IRGM: variants seen among roughly 807,000 people sequenced by gnomAD.
The protein encoded by IRGM is immunity related GTPase M.
For synonymous variants in IRGM, 98 were observed against 80.6 expected (o/e 1.22, Z -1.16); for missense variants, 288 against 219.9 (o/e 1.31, Z -1.96).
At chr5:150,868,749 A>G (rs968926954) in intron 1 of IRGM, among the ~76,000 whole-genome samples, 1 of 152,128 alleles carries the variant, frequency 6.6e-6, no homozygotes, top group African/African-American at 2.4e-5. Context: ...CAGCTATTAT[A>G]AAAGCAGTTA....
At position 150,847,951 on chromosome 5, in the gene IRGM, ACAC is replaced by A; in HGVS notation, c.-166_-164del. On this transcript the variant is annotated 5_prime_UTR_variant, in exon 2 of 2. Transcript: ENST00000522154. ...CTGTATTAGCTGGGACTACAGGCGC[ACAC>A]CACCACGCGCAGCTAATTTTTTTGT... The A allele has an allele frequency of 1.7e-6, 1 of 586,632 alleles. No individual in the cohort carries two copies. The highest frequency in any genetic ancestry group is 3.0e-6 in the Non-Finnish European group (1 of 332,376). 36.3% of individuals were successfully genotyped at this position (586,632 alleles called of 1,614,324 possible). A position where few individuals can be genotyped will look rare whatever the true frequency, so the allele number is the denominator to read the frequency against.
At chr5:150,897,946 T>G in intron 3 of IRGM, 1 of 1,283,958 alleles carries the variant, frequency 7.8e-7, no homozygotes, top group Non-Finnish European at 1.1e-6. Context: ...AATTACTTGT[T>G]GAGTGACTAC....
Position 150,899,858 on chromosome 5 carries a change from A to G in IRGM, c.*141-731A>G, listed in dbSNP as rs562838078. Among the ~76,000 whole-genome samples the G allele has an allele frequency of 2.5e-4, 38 of 152,252 alleles. No homozygotes were observed. The South Asian group carries it at 4.6e-3, about 18-fold the overall frequency. ...CAGACTTTTTCCCCAAATATTCCAT[A>G]ATTACCAAACACCACTTTCAGAATG... On this transcript the variant is annotated intron_variant and NMD_transcript_variant, in intron 3 of 3. Transcript: ENST00000520549.
chr5:150,893,105 G>A (rs1754641699), intron 3 of IRGM, among the ~76,000 whole-genome samples: 1 of 151,968 alleles, frequency 6.6e-6, no homozygotes, highest in South Asian at 2.1e-4. Flanking sequence ...TATAGGTTTA[G>A]GCAGAGTAAA....
At chr5:150,884,680 A>T (rs1477234754) in intron 3 of IRGM, among the ~76,000 whole-genome samples, 1 of 152,144 alleles carries the variant, frequency 6.6e-6, no homozygotes, top group Non-Finnish European at 1.5e-5. Context: ...AGTGATATTT[A>T]GCTTTTTAAA....
intron 1 of IRGM, among the ~76,000 whole-genome samples, chr5:150,868,727 G>T (rs889740681): frequency 1.3e-5 from 2 of 151,722 alleles, no homozygotes; most frequent in African/African-American, 4.8e-5. Context: ...TTTTGTTGTT[G>T]TTTTTGTTTT....
chr5:150,867,055 T>C (rs926595633), intron 1 of IRGM, among the ~76,000 whole-genome samples: 2 of 152,166 alleles, frequency 1.3e-5, no homozygotes, highest in Non-Finnish European at 1.5e-5. Flanking sequence ...GGGGAACAGG[T>C]GGTGTTTGGT....
intron 3 of IRGM, among the ~76,000 whole-genome samples, chr5:150,891,884 A>G (rs1754614898): frequency 6.6e-6 from 1 of 152,178 alleles, no homozygotes; most frequent in African/African-American, 2.4e-5. Context: ...ATCCAGGGCC[A>G]GGATCTTTTA....
intron 1 of IRGM, among the ~76,000 whole-genome samples, chr5:150,865,614 C>A (rs1030514857): frequency 6.6e-6 from 1 of 152,138 alleles, no homozygotes; most frequent in Non-Finnish European, 1.5e-5. Context: ...AACTTACTAG[C>A]AATGAAGAGG....
At position 150,848,148 on chromosome 5, in the gene IRGM, G is replaced by A. The variant is rs757815291; in HGVS notation, c.25G>A (p.Ala9Thr). 9 of 1,548,098 alleles carry A rather than the reference G, an allele frequency of 5.8e-6. No individual in the cohort carries two copies. The South Asian group carries it at 1.1e-4, about 18-fold the overall frequency. The change falls in exon 2 of 2, where the codon GCC becomes ACC. Residue 9 changes from alanine (A) to threonine (T), a missense_variant. Ala to Thr is a moderately conservative substitution (Grantham distance 58). Coordinates refer to ENST00000522154, the MANE Select transcript of IRGM (RefSeq NM_001145805.2). ...GATGGAAGCCATGAATGTTGAGAAA[G>A]CCTCAGCAGATGGGAACTTGCCAGA... Reference protein sequence around the residue: MEAMNVEKASADGNLPEVI... With the variant: MEAMNVEKTSADGNLPEVI...
chr5:150,857,288 T>A (rs1184327777), intron 1 of IRGM, among the ~76,000 whole-genome samples: 4 of 152,188 alleles, frequency 2.6e-5, no homozygotes, highest in Non-Finnish European at 5.9e-5. Context: ...TGCATAGTAT[T>A]CCATGTTGTA....
intron 3 of IRGM, among the ~76,000 whole-genome samples, chr5:150,884,724 G>A (rs1754491364): frequency 6.6e-6 from 1 of 151,996 alleles, no homozygotes; most frequent in South Asian, 2.1e-4. Context: ...GTCTTATTTT[G>A]AAGTGTCCAT....
intron 1 of IRGM, among the ~76,000 whole-genome samples, chr5:150,870,531 G>A (rs1754268794): frequency 7.5e-6 from 1 of 133,826 alleles, no homozygotes; most frequent in Non-Finnish European, 1.6e-5. Flanking sequence ...TTTTTTTGGA[G>A]TTTTACTTGC....
rs1561738941 is a variant in IRGM, at chr5:150,848,415, A to T, written c.292A>T (p.Thr98Ser). The change falls in exon 2 of 2, where the codon ACC becomes TCC. Residue 98 changes from threonine to serine, a missense_variant. Physicochemically the swap from Thr to Ser is moderately conservative, Grantham distance 58 (BLOSUM62 1). Transcript: ENST00000522154. ...LWDLPGTGSATTTLENYLMEM... is the reference protein window; with the variant it reads ...LWDLPGTGSASTTLENYLMEM... ...GGACCTGCCTGGCACAGGGTCTGCC[A>T]CCACAACCCTGGAGAACTACCTGAT... is the stretch of plus-strand genomic sequence containing the variant. 5.8e-6 allele frequency: 9 copies of T among 1,551,860 alleles called. No homozygotes were observed. The highest frequency in any genetic ancestry group is 1.7e-4 in the Middle Eastern group (1 of 5,992).
chr5:150,889,732 A>G (rs1293195511), intron 3 of IRGM, among the ~76,000 whole-genome samples: 5 of 151,962 alleles, frequency 3.3e-5, no homozygotes, highest in Non-Finnish European at 7.4e-5. Flanking sequence ...CTTTTTATCT[A>G]TGAAGAAGTT....
At chr5:150,854,890 T>A (rs1220873894) in intron 1 of IRGM, among the ~76,000 whole-genome samples, 1 of 152,186 alleles carries the variant, frequency 6.6e-6, no homozygotes, top group Admixed American at 6.5e-5. Context: ...TCTGCCCCTT[T>A]CTTCTCTTTC....
intron 1 of IRGM, among the ~76,000 whole-genome samples, chr5:150,863,306 TA>T (rs1250269461): frequency 6.6e-6 from 1 of 151,796 alleles, no homozygotes; most frequent in East Asian, 1.9e-4. Context: ...TGAAGAAGAG[TA>T]AAAAGGAAAT....
chr5:150,901,393 C>T (rs952248942), downstream of IRGM, among the ~76,000 whole-genome samples: 3 of 151,986 alleles, frequency 2.0e-5, no homozygotes, highest in Admixed American at 1.3e-4. Context: ...GGAAATATAA[C>T]TTTGAAATCT....
chr5:150,896,417 A>G (rs1446092647), intron 3 of IRGM: 1 of 1,613,696 alleles, frequency 6.2e-7, no homozygotes. Context: ...AGGCTTTTCC[A>G]CATGTAACAC....
Sources: allele counts gnomAD v4.1 joint callset (sites outside exome capture counted in the v4.1 genomes callset), GRCh38; gene constraint gnomAD v4.1.1; transcripts MANE v1.5; gene names NCBI Gene and HGNC (gene_info 2026-07-23, HGNC 2026-07-21).